Variants in BIRC6 observed in about 807,000 individuals in gnomAD.
BIRC6 encodes dual E2 ubiquitin-conjugating enzyme/E3 ubiquitin-protein ligase BIRC6.
A neutral mutation model predicts 503.3 loss-of-function variants in BIRC6; 98 were observed. That is an observed-to-expected ratio of 0.19 (90% CI 0.17 to 0.23). The LOEUF is 0.23. BIRC6 is among the 10% of genes least tolerant of loss of function. BIRC6 has a pLI of 1.00. For missense variants in BIRC6, 5,360 were observed against 5,806.0 expected, an observed-to-expected ratio of 0.92 and a Z score of 2.50; for synonymous variants, 2,240 against 2,078.7, an observed-to-expected ratio of 1.08 and a Z score of -2.11.
In BIRC6 at chr2:32,448,865, A is replaced by G. The variant is rs780408522; in HGVS notation, c.4555A>G (p.Asn1519Asp). The G allele has an allele frequency of 6.2e-7, 1 of 1,613,654 alleles. No homozygotes were observed. Among genetic ancestry groups the G allele is most frequent in the Non-Finnish European group, 8.5e-7 (1 of 1,179,648 alleles). Residue 1519 changes from asparagine to aspartate, a missense_variant, in exon 22 of 74, where the codon AAT becomes GAT. Asn to Asp is a conservative substitution (Grantham distance 23). Transcript: ENST00000421745. ...DLEMSGSSCK[N>D]VYNSSIGVQS... Reference sequence around the variant, plus strand: ...GGAGATGAGTGGCTCTTCTTGTAAAAATGTTTATAACAGCAGCATTGGTGT... The same window carrying G: ...GGAGATGAGTGGCTCTTCTTGTAAAGATGTTTATAACAGCAGCATTGGTGT...
chr2:32,402,694 G>A (rs930579267), intron 8 of BIRC6, among the ~76,000 whole-genome samples: 1 of 152,120 alleles, frequency 6.6e-6, no homozygotes, highest in Non-Finnish European at 1.5e-5. Flanking sequence ...TGTTGTCTGA[G>A]TTTCTGACCA....
chr2:32,578,055 A>G (rs1471400053), intron 66 of BIRC6, among the ~76,000 whole-genome samples: 2 of 152,192 alleles, frequency 1.3e-5, no homozygotes, highest in African/African-American at 2.4e-5. Flanking sequence ...TAAGACTTGA[A>G]TATACTTTTT....
At chr2:32,534,230 C>A (rs964977016) in intron 61 of BIRC6, among the ~76,000 whole-genome samples, 3 of 142,074 alleles carry the variant, frequency 2.1e-5, no homozygotes, top group African/African-American at 7.9e-5. Flanking sequence ...AAAAATTAGC[C>A]CGGTGTGGTA....
chr2:32,516,868 T>G (rs1027270025), intron 55 of BIRC6, among the ~76,000 whole-genome samples: 4 of 152,138 alleles, frequency 2.6e-5, no homozygotes, highest in Non-Finnish European at 4.4e-5. Context: ...GTTAAATATT[T>G]TAATTTGTGT....
intron 6 of BIRC6, among the ~76,000 whole-genome samples, chr2:32,398,256 A>T (rs1012681332): frequency 1.3e-5 from 2 of 152,170 alleles, no homozygotes; most frequent in African/African-American, 2.4e-5. Flanking sequence ...CATAAAGTGG[A>T]TGGTCACTGC....
intron 39 of BIRC6, among the ~76,000 whole-genome samples, chr2:32,483,955 G>C (rs1558858894): frequency 6.6e-6 from 1 of 152,056 alleles, no homozygotes. Context: ...AAAATGTTTT[G>C]TTCTCATTGG....
chr2:32,510,751 G>C (rs1018825326), intron 53 of BIRC6, 117 bp downstream of exon 53: 1 of 694,792 alleles, frequency 1.4e-6, no homozygotes, highest in African/African-American at 1.8e-5. Flanking sequence ...GTGATATATT[G>C]TATGTTTACC....
intron 9 of BIRC6, among the ~76,000 whole-genome samples, chr2:32,410,794 G>A (rs550121992): frequency 6.6e-6 from 1 of 151,586 alleles, no homozygotes; most frequent in South Asian, 2.1e-4. Flanking sequence ...TCCGCCTCCC[G>A]GGTTCACGCC....
chr2:32,392,722 C>T (rs1479994697), intron 5 of BIRC6, among the ~76,000 whole-genome samples: 1 of 152,126 alleles, frequency 6.6e-6, no homozygotes, highest in African/African-American at 2.4e-5. Flanking sequence ...TTCCCAGGCA[C>T]AGGTGATCCG....
chr2:32,357,286 C>G lies in BIRC6; in HGVS notation c.125C>G (p.Ser42Cys), dbSNP rs896816351. ...GCGGCGGCCTCGGGCCCCGGCTGCT[C>G]CTCGGCGGCGGGGGCGGGGGCGGCC... ...AAAAASGPGC[S>C]SAAGAGAAGV... Residue 42 changes from serine to cysteine, a missense_variant, in exon 1 of 74, where the codon TCC becomes TGC. Physicochemically the swap from Ser to Cys is moderately radical, Grantham distance 112 (BLOSUM62 -1). Coordinates refer to ENST00000421745, the MANE Select transcript of BIRC6 (RefSeq NM_016252.4). This position sits in a 1 kb window ranked among gnomAD's most constrained non-coding sequence, Gnocchi z 4.9. The G allele has an allele frequency of 2.0e-6, 3 of 1,524,818 alleles. No individual in the cohort carries two copies. The highest frequency in any genetic ancestry group is 2.6e-6 in the Non-Finnish European group (3 of 1,139,372). 94.5% of individuals were successfully genotyped at this position (1,524,818 alleles called of 1,614,324 possible).
intron 65 of BIRC6, chr2:32,563,403 G>GT (rs991049602): frequency 2.6e-5 from 4 of 152,050 alleles, no homozygotes; most frequent in South Asian, 2.1e-4. Flanking sequence ...AATAGGGAAG[G>GT]TTTTTTCTAA....
At chr2:32,510,690 G>A (rs963879563) in intron 53 of BIRC6, 56 bp downstream of exon 53, 16 of 1,193,654 alleles carry the variant, frequency 1.3e-5, no homozygotes, top group Non-Finnish European at 1.8e-5. Flanking sequence ...TCATGCTATA[G>A]TAAATGTTTC....
intron 45 of BIRC6, among the ~76,000 whole-genome samples, chr2:32,498,784 C>T (rs1413188936): frequency 6.6e-6 from 1 of 152,080 alleles, no homozygotes; most frequent in African/African-American, 2.4e-5. Context: ...TGGGGTTTCG[C>T]CATGTTGGCC....
intron 25 of BIRC6, 23 bp from the exon 26 acceptor site, chr2:32,465,041 AT>A (rs749253756): frequency 0.054 from 49,435 of 913,980 alleles, no homozygotes; most frequent in South Asian, 0.074. Context: ...ATAAAGTTAG[AT>A]TTTTTTTTTT....
chr2:32,597,682 T>G, intron 68 of BIRC6, 69 bp from the exon 69 acceptor site: 2 of 1,138,762 alleles, frequency 1.8e-6, no homozygotes, highest in Non-Finnish European at 2.6e-6. Flanking sequence ...GGACTAGTGA[T>G]TGTTTGTGAT....
At chr2:32,459,434 GT>G (rs144838596) in intron 23 of BIRC6, among the ~76,000 whole-genome samples, 4,851 of 152,224 alleles carry the variant, frequency 0.032, 191 homozygotes, top group African/African-American at 0.096. Flanking sequence ...TTTGGTCAAT[GT>G]GTGTTTTCAG....
chr2:32,577,859 C>A (rs945456000), intron 66 of BIRC6, among the ~76,000 whole-genome samples: 2 of 152,156 alleles, frequency 1.3e-5, no homozygotes, highest in African/African-American at 2.4e-5. Context: ...CATTTAAATT[C>A]TTTTATTCTT....
chr2:32,445,605 T>G lies in BIRC6; in HGVS notation c.4421T>G (p.Leu1474Arg). The change falls in exon 21 of 74, where the codon CTT (leucine) becomes CGT (arginine). Residue 1474 changes from leucine to arginine, a missense_variant. Leu to Arg is a moderately radical substitution (Grantham distance 102). Coordinates refer to ENST00000421745, the MANE Select transcript of BIRC6 (RefSeq NM_016252.4). ...AGCSTACASL[L>R]TAVSRQLQDR... ...TGCAGTACAGCTTGTGCATCTTTGCTTACTGCAGTGTCCAGACAGTTACAG... is the reference window on the plus strand; with the variant it reads ...TGCAGTACAGCTTGTGCATCTTTGCGTACTGCAGTGTCCAGACAGTTACAG... 6.2e-7 allele frequency: 1 copy of G among 1,608,486 alleles called. No individual in the cohort carries two copies. Among genetic ancestry groups the G allele is most frequent in the Non-Finnish European group, 8.5e-7 (1 of 1,177,128 alleles).
At chr2:32,573,957 C>T (rs965573912) in intron 65 of BIRC6, among the ~76,000 whole-genome samples, 1 of 152,026 alleles carries the variant, frequency 6.6e-6, no homozygotes, top group South Asian at 2.1e-4. Context: ...TATTTAGTTA[C>T]ATTTCTTGTT....
Sources: gnomAD v4.1 joint callset for allele counts (sites outside exome capture counted in the v4.1 genomes callset) on GRCh38, gnomAD v4.1.1 for gene constraint, Gnocchi (gnomAD v3.1) non-coding constraint, MANE v1.5 for transcripts, NCBI Gene and HGNC (gene_info 2026-07-23, HGNC 2026-07-21) for gene names.